Variants in SCN10A observed in about 807,000 individuals in gnomAD.
The protein encoded by SCN10A is sodium voltage-gated channel alpha subunit 10.
Under a neutral mutation model 170.7 loss-of-function variants are expected in SCN10A, and 162 were observed. The ratio of observed to expected loss-of-function variants is 0.95; its 90% CI spans 0.84 to 1.08. The LOEUF (loss-of-function observed/expected upper bound fraction) is 1.08, where lower values mean the gene tolerates loss of function less well. Among genes scored for constraint, SCN10A ranks in the 50% least tolerant of loss-of-function variants. The probability of loss-of-function intolerance (pLI) is 0.00; values close to 1 mark genes in which losing one functional copy is unlikely to be tolerated. For synonymous variants in SCN10A, 985 were observed against 904.6 expected (o/e 1.09, Z -1.59); for missense variants, 2,527 against 2,436.9 (o/e 1.04, Z -0.78).
intron 20 of SCN10A, among the ~76,000 whole-genome samples, chr3:38,721,097 C>T (rs62242436): frequency 0.083 from 12,572 of 152,256 alleles, 674 homozygotes; most frequent in East Asian, 0.27. Flanking sequence ...TTTCCTCCCA[C>T]CTCTCAGATC....
intron 4 of SCN10A, among the ~76,000 whole-genome samples, chr3:38,780,205 G>A (rs1021674649): frequency 1.1e-4 from 16 of 151,570 alleles, no homozygotes; most frequent in Admixed American, 6.6e-4. Flanking sequence ...GATTACTATC[G>A]TCTTTAATAT....
At chr3:38,724,919 A>G (rs146832752) in intron 18 of SCN10A, among the ~76,000 whole-genome samples, 68 of 152,290 alleles carry the variant, frequency 4.5e-4, no homozygotes, top group South Asian at 8.3e-4. Context: ...CAGCTTGTGG[A>G]GTCTCACTCT....
At position 38,697,595 on chromosome 3, in the gene SCN10A, G is replaced by A. The variant is rs1307500570; in HGVS notation, c.5625C>T (p.Asn1875=). The change falls in exon 28 of 28, where the codon AAC becomes AAT. Residue 1875 remains asparagine, a synonymous_variant. Coordinates refer to ENST00000449082, the MANE Select transcript of SCN10A (RefSeq NM_006514.4). ...CCTCAGCTCTGGGCACACATGGGGT[G>A]TTAGAGAGTGCCATGGAGCGGTGCA... ...YVLHRSMALS[N]TPCVPRAEEE... is the part of the protein sequence containing the mutation. The A allele has an allele frequency of 2.5e-6, 4 of 1,614,188 alleles. No individual in the cohort carries two copies. Among genetic ancestry groups the A allele is most frequent in the Non-Finnish European group, 3.4e-6 (4 of 1,180,030 alleles).
intron 4 of SCN10A, 89 bp from the exon 5 acceptor site, chr3:38,771,496 C>G: frequency 7.5e-7 from 1 of 1,337,100 alleles, no homozygotes; most frequent in Non-Finnish European, 1.0e-6. Context: ...ATGACCTGCT[C>G]TGACTGCTCC....
At chr3:38,745,911 T>C (rs2063680980) in intron 13 of SCN10A, among the ~76,000 whole-genome samples, 1 of 151,650 alleles carries the variant, frequency 6.6e-6, no homozygotes. Context: ...CTATTAAACA[T>C]TTAGTTTGTT....
intron 1 of SCN10A, among the ~76,000 whole-genome samples, chr3:38,812,794 G>T (rs891698574): frequency 4.6e-5 from 7 of 152,116 alleles, no homozygotes; most frequent in Admixed American, 4.6e-4. Context: ...ATCATTTTGG[G>T]AGGCTGCAGT....
rs570617624 is a variant in SCN10A at position 38,799,561 on chromosome 3, G to A, written c.-32-5519C>T. Among the ~76,000 whole-genome samples, 117 of 152,310 alleles carry A rather than the reference G, an allele frequency of 7.7e-4. 1 individual carries two copies. The South Asian group carries it at 0.014, about 18-fold the overall frequency. ...CAATCTTGAACGTGGCAGGGAGATAGAGGAGAAGTCCCAGCTCCTTGAATA... is the reference window on the plus strand; with the variant it reads ...CAATCTTGAACGTGGCAGGGAGATAAAGGAGAAGTCCCAGCTCCTTGAATA... On this transcript the variant is annotated intron_variant, in intron 1 of 27. Coordinates refer to ENST00000449082, the MANE Select transcript of SCN10A (RefSeq NM_006514.4).
chr3:38,701,505 C>T (rs910774394), intron 27 of SCN10A, among the ~76,000 whole-genome samples: 2 of 152,168 alleles, frequency 1.3e-5, no homozygotes, highest in African/African-American at 4.8e-5. Context: ...GTAAGGTCTG[C>T]TGGAGACTCC....
intron 18 of SCN10A, 45 bp from the exon 19 acceptor site, chr3:38,723,598 GC>G: frequency 1.9e-6 from 3 of 1,549,742 alleles, no homozygotes; most frequent in Non-Finnish European, 2.6e-6. Flanking sequence ...TCTCCGCGGG[GC>G]CCGGGGAATT....
chr3:38,784,154 G>A (rs1327522287), intron 4 of SCN10A, among the ~76,000 whole-genome samples: 2 of 151,942 alleles, frequency 1.3e-5, no homozygotes, highest in South Asian at 2.1e-4. Flanking sequence ...CTTAATTATA[G>A]TATACTAAAA....
At chr3:38,780,559 T>A (rs1446324119) in intron 4 of SCN10A, among the ~76,000 whole-genome samples, 1 of 152,120 alleles carries the variant, frequency 6.6e-6, no homozygotes, top group African/African-American at 2.4e-5. Context: ...ATTGTGGTTT[T>A]TGCATTGTTG....
At chr3:38,756,068 G>T in intron 10 of SCN10A, 110 bp from the exon 11 acceptor site, 2 of 1,170,274 alleles carry the variant, frequency 1.7e-6, no homozygotes, top group East Asian at 2.4e-5. Flanking sequence ...CAGAGAAGCT[G>T]AAGGGTTAGG....
At chr3:38,714,339 G>T (rs1373456583) in intron 21 of SCN10A, among the ~76,000 whole-genome samples, 1 of 152,204 alleles carries the variant, frequency 6.6e-6, no homozygotes, top group Non-Finnish European at 1.5e-5. Context: ...CCTCTGGTAC[G>T]TAGGTGGCCA....
rs139332101 is a variant in SCN10A, at chr3:38,723,518, C to G, written c.3264G>C (p.Thr1088=). 2 of 1,610,324 alleles carry G rather than the reference C, an allele frequency of 1.2e-6. No homozygotes were observed. Among genetic ancestry groups the G allele is most frequent in the East Asian group, 2.2e-5 (1 of 44,708 alleles). The change falls in exon 19 of 28, where the codon ACG becomes ACC. Residue 1088 remains threonine (T), a synonymous_variant. Transcript: ENST00000449082. ...VDDTSSSEGS[T]VDCLDPEEIL... is the part of the protein sequence containing the mutation. ...TTTCCTCAGGATCTAGGCAGTCCAC[C>G]GTGCTGCCCTCAGAGGAGCTTGTGT...
intron 1 of SCN10A, among the ~76,000 whole-genome samples, chr3:38,798,325 A>G (rs1054849806): frequency 6.6e-6 from 1 of 152,166 alleles, no homozygotes; most frequent in Non-Finnish European, 1.5e-5. Flanking sequence ...AACTTACTTC[A>G]GTGGCCAGAG....
In SCN10A at chr3:38,718,678, C is replaced by T; in HGVS notation, c.3656G>A (p.Cys1219Tyr). The change falls in exon 21 of 28, where the codon TGC becomes TAC. Residue 1219 changes from cysteine to tyrosine, a missense_variant. Physicochemically the swap from Cys to Tyr is radical, Grantham distance 194. Coordinates refer to ENST00000449082, the MANE Select transcript of SCN10A (RefSeq NM_006514.4). ...GFKKYFTNAW[C>Y]WLDFLIVNIS... is the part of the protein sequence containing the mutation. Reference sequence around the variant, plus strand: ...ATTCACAATGAGGAAGTCCAGCCAGCACCAGGCATTGGTGAAGTACTTTTT... The same window carrying T: ...ATTCACAATGAGGAAGTCCAGCCAGTACCAGGCATTGGTGAAGTACTTTTT... The T allele has an allele frequency of 6.2e-7, 1 of 1,614,232 alleles. No individual in the cohort carries two copies. The highest frequency in any genetic ancestry group is 8.5e-7 in the Non-Finnish European group (1 of 1,180,036).
intron 21 of SCN10A, among the ~76,000 whole-genome samples, chr3:38,716,472 A>G (rs1200384598): frequency 6.6e-6 from 1 of 151,866 alleles, no homozygotes; most frequent in Non-Finnish European, 1.5e-5. Context: ...CGTGACTCGC[A>G]CCTCCTTTCC....
At chr3:38,792,958 T>C (rs1382646012) in intron 2 of SCN10A, among the ~76,000 whole-genome samples, 2 of 152,100 alleles carry the variant, frequency 1.3e-5, no homozygotes, top group Non-Finnish European at 2.9e-5. Context: ...GAAATTAATA[T>C]ATATGTATAT....
In SCN10A at chr3:38,719,279, A is replaced by G. The variant is rs1176342379; in HGVS notation, c.3508-453T>C. Among the ~76,000 whole-genome samples the G allele has an allele frequency of 2.6e-5, 4 of 152,152 alleles. No individual in the cohort carries two copies. In the East Asian group the frequency reaches 7.7e-4, roughly 29 times the overall value. On this transcript the variant is annotated intron_variant, in intron 20 of 27. Coordinates refer to ENST00000449082, the MANE Select transcript of SCN10A (RefSeq NM_006514.4). ...TAATCAAGGAAATTCAAATTAAAAG[A>G]AGATGCTGTTTTTCTTTTATCAGAC...
Sources: allele counts gnomAD v4.1 joint callset (sites outside exome capture counted in the v4.1 genomes callset), GRCh38; gene constraint gnomAD v4.1.1; transcripts MANE v1.5; gene names NCBI Gene and HGNC (gene_info 2026-07-23, HGNC 2026-07-21).